The following SFI1 variants were observed in gnomAD, a reference collection of about 807,000 sequenced individuals.
The protein encoded by SFI1 is SFI1 centrin binding protein, also known as protein SFI1 homolog.
A neutral mutation model predicts 207.5 loss-of-function variants in SFI1; 195 were observed. The ratio of observed to expected loss-of-function variants is 0.94; its 90% CI spans 0.84 to 1.06. The LOEUF (loss-of-function observed/expected upper bound fraction) is 1.06, where lower values mean the gene tolerates loss of function less well. SFI1 is among the 50% of genes least tolerant of loss of function. The probability of loss-of-function intolerance (pLI) is 0.00; values close to 1 mark genes in which losing one functional copy is unlikely to be tolerated. For missense variants in SFI1, 1,634 were observed against 1,588.0 expected, an observed-to-expected ratio of 1.03 and a Z score of -0.49; for synonymous variants, 630 against 598.9, an observed-to-expected ratio of 1.05 and a Z score of -0.76.
intron 8 of SFI1, among the ~76,000 whole-genome samples, chr22:31,566,311 T>A (rs546359127): frequency 5.9e-5 from 9 of 152,066 alleles, no homozygotes; most frequent in African/African-American, 1.7e-4. Flanking sequence ...CCAGGCTGTC[T>A]TGAACTCCTT....
intron 15 of SFI1, among the ~76,000 whole-genome samples, chr22:31,594,364 A>G (rs1408093940): frequency 1.3e-5 from 2 of 151,678 alleles, no homozygotes; most frequent in Non-Finnish European, 2.9e-5. Context: ...CCTGGCCAAC[A>G]TGGTGAAACC....
intron 3 of SFI1, 133 bp from the exon 4 acceptor site, chr22:31,530,925 A>C: frequency 4.5e-6 from 3 of 668,100 alleles, no homozygotes; most frequent in Non-Finnish European, 7.8e-6. Flanking sequence ...AAAATTAGCT[A>C]TGATACCGCC....
intron 7 of SFI1, among the ~76,000 whole-genome samples, chr22:31,560,309 GA>G (rs925727685): frequency 8.7e-5 from 13 of 149,782 alleles, no homozygotes; most frequent in Non-Finnish European, 1.9e-4. Flanking sequence ...TTCTAGGAAA[GA>G]AAAGGATACA....
intron 20 of SFI1, chr22:31,605,238 C>G (rs1245648301): frequency 8.1e-6 from 2 of 246,818 alleles, no homozygotes; most frequent in Non-Finnish European, 1.6e-5. Flanking sequence ...CTACAAAATT[C>G]AGCTTTGCAA....
At chr22:31,576,027 CTTT>C (rs543573453) in intron 10 of SFI1, among the ~76,000 whole-genome samples, 2 of 142,190 alleles carry the variant, frequency 1.4e-5, no homozygotes, top group African/African-American at 2.6e-5. Flanking sequence ...TGTACATATT[CTTT>C]TTTTTTTTTT....
At chr22:31,507,750 A>G (rs1407127945) in intron 1 of SFI1, among the ~76,000 whole-genome samples, 7 of 152,190 alleles carry the variant, frequency 4.6e-5, no homozygotes, top group Non-Finnish European at 8.8e-5. Flanking sequence ...AAAAAGCTCA[A>G]TATCACTGAT....
chr22:31,573,282 G>A lies in SFI1; in HGVS notation c.922+68G>A, dbSNP rs148082519. 1.6e-4 allele frequency: 246 copies of A among 1,551,620 alleles called. 1 individual carries two copies. In the African/African-American group the frequency reaches 2.9e-3, roughly 18 times the overall value. On this transcript the variant is annotated intron_variant, in intron 9 of 32. Coordinates refer to ENST00000400288, the MANE Select transcript of SFI1 (RefSeq NM_001007467.3). ...ACAGTTTCACTCTCCTGCTGCCAGT[G>A]GTACTGTACTAAGAAGTAATATAAT...
intron 6 of SFI1, among the ~76,000 whole-genome samples, chr22:31,551,817 A>G (rs1402763595): frequency 6.6e-6 from 1 of 152,184 alleles, no homozygotes; most frequent in Non-Finnish European, 1.5e-5. Flanking sequence ...CGAGAGTTCT[A>G]CTTGCTCTGC....
chr22:31,553,529 A>ATTTTTTTT (rs71202096), intron 6 of SFI1, among the ~76,000 whole-genome samples: 73 of 82,554 alleles, frequency 8.8e-4, no homozygotes, highest in Middle Eastern at 8.2e-3. Flanking sequence ...TAATTTTTGT[A>ATTTTTTTT]TTTTTTTTTT....
At chr22:31,533,109 G>C (rs1309498928) in intron 4 of SFI1, among the ~76,000 whole-genome samples, 2 of 152,192 alleles carry the variant, frequency 1.3e-5, no homozygotes, top group African/African-American at 2.4e-5. Context: ...CCAGTTGAAG[G>C]GTTGGTGGTC....
In SFI1 at chr22:31,580,255, G is replaced by T; in HGVS notation, c.1156-17G>T. On this transcript the variant is annotated splice_polypyrimidine_tract_variant and intron_variant, in intron 11 of 32. Transcript: ENST00000400288. The stretch of plus-strand genomic sequence containing the variant: ...GATCCCAGTCCTTGTAATCAGTTGT[G>T]TCCTTTCTTTGCACAGTATTTTTGC... The T allele has an allele frequency of 6.2e-7, 1 of 1,601,882 alleles. No homozygotes were observed. The highest frequency in any genetic ancestry group is 8.6e-7 in the Non-Finnish European group (1 of 1,168,982).
At chr22:31,572,924 C>T in intron 8 of SFI1, 134 bp from the exon 9 acceptor site, 1 of 842,482 alleles carries the variant, frequency 1.2e-6, no homozygotes, top group African/African-American at 1.7e-5. Flanking sequence ...TATCATCCTG[C>T]TAGGGGATTG....
At chr22:31,578,255 G>A in intron 10 of SFI1, 127 bp from the exon 11 acceptor site, 1 of 752,802 alleles carries the variant, frequency 1.3e-6, no homozygotes, top group Non-Finnish European at 2.0e-6. Flanking sequence ...GTAGACAGAG[G>A]TGGACCTCAG....
At chr22:31,585,190 G>A (rs1181065082) in intron 14 of SFI1, 56 bp downstream of exon 14, 1 of 1,462,004 alleles carries the variant, frequency 6.8e-7, no homozygotes, top group Non-Finnish European at 9.5e-7. Context: ...GGACCCATTT[G>A]CTTTGGAAAG....
chr22:31,506,072 C>T (rs1245615700), intron 1 of SFI1, among the ~76,000 whole-genome samples: 3 of 147,010 alleles, frequency 2.0e-5, no homozygotes, highest in African/African-American at 7.6e-5. Context: ...TTTTCTGAGA[C>T]AGAGTCTTGC....
chr22:31,559,827 A>C lies in SFI1; in HGVS notation c.663-1463A>C, dbSNP rs2061509342. 4 of 697,870 alleles carry C rather than the reference A, an allele frequency of 5.7e-6. No homozygotes were observed. In the Admixed American group the frequency reaches 7.2e-5, roughly 13 times the overall value. The allele number at this position is 697,870 out of a possible 1,614,324, so 43.2% of individuals were successfully genotyped here. On this transcript the variant is annotated intron_variant, in intron 7 of 32. Coordinates refer to ENST00000400288, the MANE Select transcript of SFI1 (RefSeq NM_001007467.3). ...CGTGCAGATGTGGAGCGACTGAAGAAGATTCAGGCCCATAGAGGACCGCAC... is the reference window on the plus strand; with the variant it reads ...CGTGCAGATGTGGAGCGACTGAAGACGATTCAGGCCCATAGAGGACCGCAC...
chr22:31,583,102 TTTG>T lies in SFI1; in HGVS notation c.1249-764_1249-762del, dbSNP rs146659969. On this transcript the variant is annotated intron_variant, in intron 12 of 32. Coordinates refer to ENST00000400288, the MANE Select transcript of SFI1 (RefSeq NM_001007467.3). The stretch of plus-strand genomic sequence containing the variant: ...CCATGCCTAGCCTTGTATAATTTTT[TTTG>T]TTGTTGTTTGTTTGTTTGTTTGTTT... 5.1e-3 allele frequency among the ~76,000 whole-genome samples: 776 copies of T among 152,150 alleles called. 4 individuals carry two copies. Among genetic ancestry groups the T allele is most frequent in the African/African-American group, 0.017 (697 of 41,504 alleles).
chr22:31,520,224 T>G (rs577047216), intron 2 of SFI1, among the ~76,000 whole-genome samples: 1 of 152,172 alleles, frequency 6.6e-6, no homozygotes, highest in African/African-American at 2.4e-5. Context: ...CTGAACTTCC[T>G]TCCAAACCCA....
At chr22:31,606,855 G>A (rs919763566) in intron 21 of SFI1, 110 of 158,306 alleles carry the variant, frequency 6.9e-4, no homozygotes, top group Non-Finnish European at 1.1e-3. Flanking sequence ...GCGCCACCAC[G>A]TCCGACTAAT....
Sources: allele counts gnomAD v4.1 joint callset (sites outside exome capture counted in the v4.1 genomes callset), GRCh38; gene constraint gnomAD v4.1.1; transcripts MANE v1.5; gene names NCBI Gene and HGNC (gene_info 2026-07-23, HGNC 2026-07-21).